Variants in NOL4 observed in about 807,000 individuals in gnomAD.
NOL4 encodes nucleolar protein 4.
Under a neutral mutation model 75.9 loss-of-function variants are expected in NOL4, and 17 were observed. The ratio of observed to expected loss-of-function variants is 0.22; its 90% confidence interval spans 0.15 to 0.34. The LOEUF (loss-of-function observed/expected upper bound fraction) is 0.34, where lower values mean the gene tolerates loss of function less well. Ranked by LOEUF, NOL4 falls within the 10% of genes least tolerant of loss-of-function variation. The pLI, the probability that NOL4 is intolerant of heterozygous loss-of-function variation, is 1.00. For synonymous variants in NOL4, 292 were observed against 289.9 expected, an observed-to-expected ratio of 1.01 and a Z score of -0.07; for missense variants, 614 against 793.5, an observed-to-expected ratio of 0.77 and a Z score of 2.72.
chr18:34,129,819 A>C (rs566328816), intron 2 of NOL4, 52 bp downstream of exon 2: 3 of 1,484,026 alleles, frequency 2.0e-6, no homozygotes, highest in African/African-American at 2.8e-5. Flanking sequence ...ACAAGGATAC[A>C]TAATATCAAG....
chr18:34,116,979 G>C (rs1382190111), intron 2 of NOL4, among the ~76,000 whole-genome samples: 3 of 152,080 alleles, frequency 2.0e-5, no homozygotes, highest in African/African-American at 7.2e-5. Context: ...GCAAACCTCT[G>C]GTTCCTGAAA....
chr18:33,986,200 TA>T (rs1243114641), intron 6 of NOL4, among the ~76,000 whole-genome samples: 1 of 152,154 alleles, frequency 6.6e-6, no homozygotes, highest in East Asian at 1.9e-4. Context: ...TAATATTTGT[TA>T]AAAACTGTAA....
intron 5 of NOL4, among the ~76,000 whole-genome samples, chr18:34,027,818 T>G (rs2075422921): frequency 6.6e-6 from 1 of 152,162 alleles, no homozygotes; most frequent in South Asian, 2.1e-4. Context: ...TTGTGGATAT[T>G]TTATTTTTGT....
intron 9 of NOL4, among the ~76,000 whole-genome samples, chr18:33,934,175 G>A (rs1034456653): frequency 2.0e-5 from 3 of 151,926 alleles, no homozygotes; most frequent in Admixed American, 2.0e-4. Flanking sequence ...CTGAGCAGTA[G>A]GCCTCAACAG....
At chr18:33,950,329 T>C (rs1485737467) in intron 8 of NOL4, among the ~76,000 whole-genome samples, 3 of 152,206 alleles carry the variant, frequency 2.0e-5, no homozygotes, top group Non-Finnish European at 4.4e-5. Context: ...TATTAGGCTA[T>C]ATTTTCAGTT....
At chr18:34,222,010 G>C (rs955441239) in intron 1 of NOL4, 30 of 1,533,930 alleles carry the variant, frequency 2.0e-5, no homozygotes, top group Non-Finnish European at 2.4e-5. Flanking sequence ...TACTCCAGGC[G>C]AGTACCCACC....
chr18:34,167,998 AT>A lies in NOL4; in HGVS notation c.265-37979del, dbSNP rs201273086. ...AAACAATTGAGTTCCTGCATTTTAC[AT>A]TTTTTTCTGTTTTATTTTATAAATC... is the stretch of plus-strand genomic sequence containing the variant. On this transcript the variant is annotated intron_variant, in intron 1 of 10. Transcript: ENST00000261592. Among the ~76,000 whole-genome samples the A allele has an allele frequency of 6.5e-3, 986 of 151,938 alleles. 16 individuals carry two copies. The highest frequency in any genetic ancestry group is 0.023 in the African/African-American group (940 of 41,476).
intron 3 of NOL4, among the ~76,000 whole-genome samples, 167 bp downstream of exon 3, chr18:34,104,882 T>A (rs1164242053): frequency 6.6e-6 from 1 of 152,022 alleles, no homozygotes; most frequent in African/African-American, 2.4e-5. Context: ...GGGCACTGAA[T>A]TACTTTGTAA....
chr18:34,047,526 G>A (rs1460570104), intron 5 of NOL4, among the ~76,000 whole-genome samples: 1 of 151,846 alleles, frequency 6.6e-6, no homozygotes, highest in Non-Finnish European at 1.5e-5. Context: ...ATAAACACAA[G>A]GGTTATATAT....
intron 1 of NOL4, 116 bp downstream of exon 1, chr18:34,222,874 G>A (rs2037421609): frequency 1.5e-6 from 2 of 1,377,784 alleles, no homozygotes; most frequent in Non-Finnish European, 9.9e-7. Flanking sequence ...GAGGAAGGTA[G>A]GGGGCACACG....
chr18:33,893,597 C>T (rs553233140), intron 9 of NOL4, among the ~76,000 whole-genome samples: 1 of 152,250 alleles, frequency 6.6e-6, no homozygotes, highest in East Asian at 1.9e-4. Context: ...AAGAATTCCA[C>T]TGTTTAGACT....
intron 10 of NOL4, among the ~76,000 whole-genome samples, chr18:33,858,026 A>G (rs2062915644): frequency 6.6e-6 from 1 of 152,122 alleles, no homozygotes; most frequent in African/African-American, 2.4e-5. Flanking sequence ...AAGCAACAAC[A>G]GAGTAGTATT....
At chr18:34,159,616 G>T (rs1444920155) in intron 1 of NOL4, among the ~76,000 whole-genome samples, 2 of 152,076 alleles carry the variant, frequency 1.3e-5, no homozygotes, top group Non-Finnish European at 2.9e-5. Context: ...AATCCATCCC[G>T]CCTCGCCGGA....
rs546952554 is a variant in NOL4 at position 34,180,831 on chromosome 18, A to G, written c.264+42159T>C. Among the ~76,000 whole-genome samples, 54 of 151,660 alleles carry G rather than the reference A, an allele frequency of 3.6e-4. 1 individual carries two copies. The South Asian group carries it at 0.011, about 31-fold the overall frequency. On this transcript the variant is annotated intron_variant, in intron 1 of 10. Transcript: ENST00000261592. ...AGACTAAGAAAGCAATCTATTTTATACCATTAAAAAGAATAAAATAGGCAA... is the reference window on the plus strand; with the variant it reads ...AGACTAAGAAAGCAATCTATTTTATGCCATTAAAAAGAATAAAATAGGCAA...
At chr18:33,923,476 A>C (rs2067156118) in intron 9 of NOL4, among the ~76,000 whole-genome samples, 1 of 152,030 alleles carries the variant, frequency 6.6e-6, no homozygotes, top group Non-Finnish European at 1.5e-5. Context: ...ATAAAAGATT[A>C]TTTCATAATG....
chr18:33,989,877 C>T (rs1259030959), intron 6 of NOL4, among the ~76,000 whole-genome samples: 1 of 152,044 alleles, frequency 6.6e-6, no homozygotes, highest in Non-Finnish European at 1.5e-5. Flanking sequence ...CATTAAACAA[C>T]GTATAACTCC....
At chr18:34,101,694 T>C (rs978353782) in intron 4 of NOL4, among the ~76,000 whole-genome samples, 6 of 152,104 alleles carry the variant, frequency 3.9e-5, no homozygotes, top group African/African-American at 9.7e-5. Flanking sequence ...CAGGAAGGAA[T>C]AGAGCTTTGT....
At position 34,093,521 on chromosome 18, in the gene NOL4, C is replaced by T; in HGVS notation, c.716G>A (p.Ser239Asn). Residue 239 changes from serine to asparagine, a missense_variant, in exon 5 of 11, where the codon AGC (serine) becomes AAC (asparagine). Coordinates refer to ENST00000261592, the MANE Select transcript of NOL4 (RefSeq NM_003787.5). ...TTGCATTCTTTCTTCAAGATTGGAG[C>T]TAAGATCAGAGTTCACAGCTGACAT... Reference protein sequence around the residue: ...TRMSAVNSDLSSNLEERMQSP... With the variant: ...TRMSAVNSDLNSNLEERMQSP... The T allele has an allele frequency of 6.2e-7, 1 of 1,609,148 alleles. No homozygotes were observed. The highest frequency in any genetic ancestry group is 8.5e-7 in the Non-Finnish European group (1 of 1,176,964).
chr18:34,073,782 T>TA (rs1338891313), intron 5 of NOL4, among the ~76,000 whole-genome samples: 1 of 151,846 alleles, frequency 6.6e-6, no homozygotes, highest in South Asian at 2.1e-4. Flanking sequence ...TGCAATCAAA[T>TA]AAAAAACTAG....
Sources: gnomAD v4.1 joint callset for allele counts (sites outside exome capture counted in the v4.1 genomes callset) on GRCh38, gnomAD v4.1.1 for gene constraint, MANE v1.5 for transcripts, NCBI Gene and HGNC (gene_info 2026-07-23, HGNC 2026-07-21) for gene names.